EPN3: variants seen among roughly 807,000 people sequenced by gnomAD.
The protein encoded by EPN3 is epsin 3, also known as epsin-3.
Under a neutral mutation model 55.5 loss-of-function variants are expected in EPN3, and 56 were observed. The ratio of observed to expected loss-of-function variants is 1.01; its 90% CI spans 0.81 to 1.26. The LOEUF (loss-of-function observed/expected upper bound fraction) is 1.26, where lower values mean the gene tolerates loss of function less well. EPN3 is among the 50% of genes most tolerant of loss of function. The probability of loss-of-function intolerance (pLI) is 0.00; values close to 1 mark genes in which losing one functional copy is unlikely to be tolerated. For synonymous variants in EPN3, 449 were observed against 375.2 expected (o/e 1.20, Z -2.27); for missense variants, 927 against 853.4 (o/e 1.09, Z -1.07).
chr17:50,534,592 G>A (rs2034731266), intron 1 of EPN3: 23 of 985,488 alleles, frequency 2.3e-5, no homozygotes, highest in Non-Finnish European at 2.8e-5. Context: ...ACAAGTTGTG[G>A]CCGTGGCATT....
At position 50,534,569 on chromosome 17, in the gene EPN3, G is replaced by A. The variant is rs182124939; in HGVS notation, c.-137+1584G>A. The A allele has an allele frequency of 5.0e-5, 49 of 985,518 alleles. No individual in the cohort carries two copies. The African/African-American group carries it at 7.8e-4, about 16-fold the overall frequency. The allele number at this position is 985,518 out of a possible 1,614,324, so 61.0% of individuals were successfully genotyped here. ...AGGTCTGAGTCACTAGCAAGGGGGA[G>A]GGCAGGAGTTAAACAAGTTGTGGCC... On this transcript the variant is annotated intron_variant, in intron 1 of 9. Transcript: ENST00000268933.
chr17:50,541,534 C>G lies in EPN3; in HGVS notation c.1425C>G (p.Asp475Glu). The G allele has an allele frequency of 1.2e-6, 2 of 1,614,216 alleles. No homozygotes were observed. The highest frequency in any genetic ancestry group is 1.7e-6 in the Non-Finnish European group (2 of 1,180,038). Residue 475 changes from aspartate (D) to glutamate (E), a missense_variant, in exon 9 of 10, where the codon GAC becomes GAG. By Grantham distance (45) the Asp-to-Glu change is conservative. Transcript: ENST00000268933. ...GCACGAAGGAGCCAGATGCCCTGGA[C>G]CTGGGCATACTAGGGGAAGCACTAA... ...QNGTKEPDAL[D>E]LGILGEALTQ...
At chr17:50,534,136 AGGCTTCTTCCTTTCCTCCT>A (rs1465087959) in intron 1 of EPN3, among the ~76,000 whole-genome samples, 1 of 148,652 alleles carries the variant, frequency 6.7e-6, no homozygotes, top group Admixed American at 6.9e-5. Flanking sequence ...GCGCTTGGGC[AGGCTTCTTCCTTTCCTCCT>A]CCCTTCTCTG....
chr17:50,540,309 C>T lies in EPN3; in HGVS notation c.954C>T (p.Cys318=), dbSNP rs758019315. The part of the protein sequence containing the change: ...VPALAPPSTH[C]SADPWDIPGF... ...CCCTGGCCCCGCCCTCCACACACTGCTCTGCTGACCCATGGGACATCCCAG... is the reference window on the plus strand; with the variant it reads ...CCCTGGCCCCGCCCTCCACACACTGTTCTGCTGACCCATGGGACATCCCAG... The change falls in exon 6 of 10, where the codon TGC becomes TGT. Residue 318 remains cysteine (C), a synonymous_variant. Transcript: ENST00000268933. 2.5e-6 allele frequency: 4 copies of T among 1,612,332 alleles called. No homozygotes were observed. In the South Asian group the frequency reaches 3.3e-5, roughly 13 times the overall value.
At chr17:50,541,398 C>T in intron 8 of EPN3, 65 bp downstream of exon 8, 1 of 1,606,862 alleles carries the variant, frequency 6.2e-7, no homozygotes, top group East Asian at 2.2e-5. Context: ...CAGCCTCTGT[C>T]CTCTTCCTCC....
At chr17:50,536,165 A>G (rs893191719) in intron 1 of EPN3, 6 of 243,554 alleles carry the variant, frequency 2.5e-5, no homozygotes, top group Non-Finnish European at 4.9e-5. Flanking sequence ...CCCATTTAAT[A>G]CTCTGAGCCC....
At chr17:50,538,538 AT>A (rs1217506951) in intron 3 of EPN3, 1 of 416,712 alleles carries the variant, frequency 2.4e-6, no homozygotes, top group Non-Finnish European at 4.2e-6. Flanking sequence ...CCCACCAGCT[AT>A]CCTTTTGGGG....
chr17:50,541,206 C>T (rs2034844178), intron 7 of EPN3, 23 bp from the exon 8 acceptor site: 1 of 1,613,142 alleles, frequency 6.2e-7, no homozygotes, highest in African/African-American at 1.3e-5. Context: ...CAACCCATCT[C>T]CTCTTCCTCT....
At chr17:50,540,223 C>A (rs200513007) in intron 5 of EPN3, 24 bp from the exon 6 acceptor site, 1 of 1,605,806 alleles carries the variant, frequency 6.2e-7, no homozygotes, top group Non-Finnish European at 8.5e-7. Context: ...ACTTCTGAGC[C>A]GCGGCTGCCT....
intron 1 of EPN3, among the ~76,000 whole-genome samples, chr17:50,534,950 C>CT (rs2034737647): frequency 6.6e-6 from 1 of 152,168 alleles, no homozygotes; most frequent in Non-Finnish European, 1.5e-5. Flanking sequence ...AGTGGAGGCT[C>CT]TGCAGGCCCA....
chr17:50,535,822 G>T (rs2034751573), intron 1 of EPN3, among the ~76,000 whole-genome samples: 1 of 152,188 alleles, frequency 6.6e-6, no homozygotes, highest in Non-Finnish European at 1.5e-5. Flanking sequence ...AGAAAAGTGA[G>T]CTGAGGAGCT....
At position 50,541,320 on chromosome 17, in the gene EPN3, C is replaced by A; in HGVS notation, c.1341C>A (p.Pro447=). Residue 447 remains proline (P), a synonymous_variant, in exon 8 of 10, where the codon CCC becomes CCA. Transcript: ENST00000268933. ...AGCAGGCCCTGCCCTCTGGGAAGCC[C>A]AGCAGCCCTGTGGGTGAGCAGGGCA... is the stretch of plus-strand genomic sequence containing the variant. ...GLEQALPSGK[P]SSPVELDLFG... is the part of the protein sequence containing the mutation. 1 of 1,612,472 alleles carries A rather than the reference C, an allele frequency of 6.2e-7. No homozygotes were observed. The highest frequency in any genetic ancestry group is 8.5e-7 in the Non-Finnish European group (1 of 1,179,966).
chr17:50,536,591 A>C lies in EPN3; in HGVS notation c.35A>C (p.Asn12Thr), dbSNP rs1482144727. 3 of 1,613,934 alleles carry C rather than the reference A, an allele frequency of 1.9e-6. No individual in the cohort carries two copies. The highest frequency in any genetic ancestry group is 2.7e-5 in the African/African-American group (2 of 74,930). Residue 12 changes from asparagine to threonine, a missense_variant, in exon 2 of 10, where the codon AAC (asparagine) becomes ACC (threonine). Transcript: ENST00000268933. ...TCCGCACTCCGGCGCCAGGTGAAGA[A>C]CATCGTGCACAACTACTCCGAGGCA... Reference protein sequence around the residue: ...TTSALRRQVKNIVHNYSEAEI... With the variant: ...TTSALRRQVKTIVHNYSEAEI...
At position 50,540,403 on chromosome 17, in the gene EPN3, G is replaced by A. The variant is rs141930526; in HGVS notation, c.979+69G>A. On this transcript the variant is annotated intron_variant, in intron 6 of 9. Coordinates refer to ENST00000268933, the MANE Select transcript of EPN3 (RefSeq NM_017957.3). ...GCCTCCTCCTTCCCAGCCACTTGCT[G>A]GGCCAAGCACCTCCTCCCAAAATCT... 421 of 1,452,394 alleles carry A rather than the reference G, an allele frequency of 2.9e-4. 1 individual carries two copies. Among genetic ancestry groups the A allele is most frequent in the Middle Eastern group, 1.7e-3 (9 of 5,286 alleles). The allele number at this position is 1,452,394 out of a possible 1,614,324, so 90.0% of individuals were successfully genotyped here.
In EPN3 at chr17:50,542,087, T is replaced by A. The variant is rs1313726976; in HGVS notation, c.1829T>A (p.Leu610Gln). 1 of 1,573,824 alleles carries A rather than the reference T, an allele frequency of 6.4e-7. No individual in the cohort carries two copies. The highest frequency in any genetic ancestry group is 8.5e-7 in the Non-Finnish European group (1 of 1,170,078). Residue 610 changes from leucine to glutamine, a missense_variant, in exon 10 of 10, where the codon CTG (leucine) becomes CAG (glutamine). Leu to Gln is a moderately radical substitution (Grantham distance 113). Transcript: ENST00000268933. ...GCCGGAGCCTTCGCACCGCAGCCGC[T>A]GCTGCCCACGCCGAGCTCAGCCGGG... ...PQAGAFAPQPLLPTPSSAGPR... is the reference protein window; with the variant it reads ...PQAGAFAPQPQLPTPSSAGPR...
At chr17:50,541,155 C>CT in intron 7 of EPN3, 74 bp from the exon 8 acceptor site, 1 of 1,603,112 alleles carries the variant, frequency 6.2e-7, no homozygotes. Flanking sequence ...AGGAGGACAG[C>CT]TTCTCTGGAA....
In EPN3 at chr17:50,542,286, G is replaced by T; in HGVS notation, c.*129G>T. 1 of 1,051,512 alleles carries T rather than the reference G, an allele frequency of 9.5e-7. No individual in the cohort carries two copies. Among genetic ancestry groups the T allele is most frequent in the Non-Finnish European group, 1.3e-6 (1 of 789,368 alleles). The allele number at this position is 1,051,512 out of a possible 1,614,324, so 65.1% of individuals were successfully genotyped here. ...CCAGTGGCGGCTGGTATCCCGCGGC[G>T]GCTCTGGAAGCTGGACGCGGACCAC... is the stretch of plus-strand genomic sequence containing the variant. On this transcript the variant is annotated 3_prime_UTR_variant, in exon 10 of 10. Coordinates refer to ENST00000268933, the MANE Select transcript of EPN3 (RefSeq NM_017957.3).
In EPN3 at chr17:50,536,996, C is replaced by A; in HGVS notation, c.440C>A (p.Ala147Asp). Reference sequence around the variant, plus strand: ...CGGCTGCGGCAGGAGCGAACCCACGCCCTCAAGACCAAGGAGCGCATGGCA... The same window carrying A: ...CGGCTGCGGCAGGAGCGAACCCACGACCTCAAGACCAAGGAGCGCATGGCA... ...EERLRQERTH[A>D]LKTKERMALE... The change falls in exon 2 of 10, where the codon GCC (alanine) becomes GAC (aspartate). Residue 147 changes from alanine to aspartate, a missense_variant. Coordinates refer to ENST00000268933, the MANE Select transcript of EPN3 (RefSeq NM_017957.3). 1.2e-6 allele frequency: 2 copies of A among 1,613,624 alleles called. No homozygotes were observed. The highest frequency in any genetic ancestry group is 8.5e-7 in the Non-Finnish European group (1 of 1,179,962).
chr17:50,532,925 CGGAG>C lies in EPN3; in HGVS notation c.-194_-191del. The C allele has an allele frequency of 7.8e-7, 1 of 1,286,076 alleles. No homozygotes were observed. The allele number at this position is 1,286,076 out of a possible 1,614,324, so 79.7% of individuals were successfully genotyped here. On this transcript the variant is annotated 5_prime_UTR_variant, in exon 1 of 10. An upstream open reading frame in the 5' UTR loses its in-frame stop. Coordinates refer to ENST00000268933, the MANE Select transcript of EPN3 (RefSeq NM_017957.3). ...TGTGCCGTCCCGCTGCTGCACAGGT[CGGAG>C]GGTCACCGCAGAGGCTACTCGGGCT...
Sources: allele counts gnomAD v4.1 joint callset (sites outside exome capture counted in the v4.1 genomes callset), GRCh38; gene constraint gnomAD v4.1.1; transcripts MANE v1.5; gene names NCBI Gene and HGNC (gene_info 2026-07-23, HGNC 2026-07-21).